Variants in CDC14A observed in about 807,000 individuals in gnomAD.
CDC14A encodes cell division cycle 14A.
In CDC14A, 53 loss-of-function variants were observed where a neutral mutation model predicts 74.4. The ratio of observed to expected loss-of-function variants is 0.71; its 90% CI spans 0.57 to 0.89. The LOEUF is 0.89. CDC14A is among the 40% of genes least tolerant of loss of function. The pLI is 0.00. For synonymous variants in CDC14A, 247 were observed against 258.4 expected, an observed-to-expected ratio of 0.96 and a Z score of 0.43; for missense variants, 646 against 713.7, an observed-to-expected ratio of 0.91 and a Z score of 1.08.
chr1:100,512,417 A>G (rs958790600), intron 15 of CDC14A, among the ~76,000 whole-genome samples: 1 of 152,174 alleles, frequency 6.6e-6, no homozygotes, highest in South Asian at 2.1e-4. Flanking sequence ...AAAACAAACA[A>G]GTTTCCAGCT....
At chr1:100,485,383 A>C in intron 11 of CDC14A, 1 of 883,238 alleles carries the variant, frequency 1.1e-6, no homozygotes, top group Non-Finnish European at 1.4e-6. Context: ...AAAAAAGAAA[A>C]GAAAAAAAGG....
At chr1:100,414,285 G>A (rs1661236755) in intron 4 of CDC14A, among the ~76,000 whole-genome samples, 1 of 149,766 alleles carries the variant, frequency 6.7e-6, no homozygotes, top group Non-Finnish European at 1.5e-5. Flanking sequence ...GGGCAACATA[G>A]TAGACCCCAT....
At chr1:100,445,026 T>C (rs1320795192) in intron 7 of CDC14A, among the ~76,000 whole-genome samples, 1 of 152,182 alleles carries the variant, frequency 6.6e-6, no homozygotes, top group Non-Finnish European at 1.5e-5. Flanking sequence ...AAAGGGAATA[T>C]GTACTTATAA....
In CDC14A at chr1:100,498,200, G is replaced by T; in HGVS notation, c.1414G>T (p.Val472Leu). 1 of 1,613,724 alleles carries T rather than the reference G, an allele frequency of 6.2e-7. No homozygotes were observed. The highest frequency in any genetic ancestry group is 8.5e-7 in the Non-Finnish European group (1 of 1,179,866). The part of the protein sequence containing the change: ...NRTSLSSGAT[V>L]RSFSINSRLA... ...AACTTCTTTGTCTTCGGGTGCCACT[G>T]TAAGAAGGTAATTTTTCTCTCCCTC... Residue 472 changes from valine (V) to leucine (L), a missense_variant, in exon 14 of 16, where the codon GTA becomes TTA. Coordinates refer to ENST00000336454, the MANE Select transcript of CDC14A (RefSeq NM_003672.4).
chr1:100,509,122 A>C (rs1351929299), intron 15 of CDC14A, among the ~76,000 whole-genome samples: 1 of 150,836 alleles, frequency 6.6e-6, no homozygotes, highest in Non-Finnish European at 1.5e-5. Context: ...GGCTCCTCCT[A>C]CCTCTGTGCT....
intron 15 of CDC14A, among the ~76,000 whole-genome samples, chr1:100,513,670 T>C (rs905579884): frequency 1.3e-5 from 2 of 152,200 alleles, no homozygotes; most frequent in Non-Finnish European, 2.9e-5. Flanking sequence ...AATATTTATA[T>C]CTGTAATTAT....
chr1:100,490,294 T>C (rs1670483541), intron 11 of CDC14A, among the ~76,000 whole-genome samples: 3 of 152,198 alleles, frequency 2.0e-5, no homozygotes, highest in Admixed American at 6.5e-5. Context: ...TAATTTAATG[T>C]AAATATGTTT....
intron 3 of CDC14A, among the ~76,000 whole-genome samples, chr1:100,387,113 T>G (rs1346252820): frequency 6.6e-6 from 1 of 152,086 alleles, no homozygotes; most frequent in Non-Finnish European, 1.5e-5. Context: ...TACCAAAGTA[T>G]CTTCTCTGTT....
chr1:100,456,265 A>G (rs1666668491), intron 8 of CDC14A, among the ~76,000 whole-genome samples: 1 of 152,258 alleles, frequency 6.6e-6, no homozygotes. Context: ...TGAATGAAAC[A>G]TGATCAGCTA....
rs1223420176 is a variant in CDC14A at position 100,491,548 on chromosome 1, C to CTCTATATA, written c.1138-3269_1138-3268insCTATATAT. Among the ~76,000 whole-genome samples the CTCTATATA allele has an allele frequency of 4.9e-4, 19 of 38,754 alleles. 1 individual carries two copies. Among genetic ancestry groups the CTCTATATA allele is most frequent in the East Asian group, 1.2e-3 (2 of 1,630 alleles). 25.4% of individuals were successfully genotyped at this position (38,754 alleles called of 152,430 possible). On this transcript the variant is annotated intron_variant, in intron 11 of 15. Coordinates refer to ENST00000336454, the MANE Select transcript of CDC14A (RefSeq NM_003672.4). ...TCTCTCTCTCTCTCTCTCTCTCTCT[C>CTCTATATA]TATATATATATATATATATATATAT... is the stretch of plus-strand genomic sequence containing the variant.
chr1:100,458,586 T>C (rs1157334072), intron 8 of CDC14A, among the ~76,000 whole-genome samples: 1 of 152,232 alleles, frequency 6.6e-6, no homozygotes, highest in Non-Finnish European at 1.5e-5. Flanking sequence ...TTCACTATAC[T>C]TTTTTGTAAA....
intron 2 of CDC14A, among the ~76,000 whole-genome samples, chr1:100,367,676 G>A (rs866148587): frequency 3.2e-4 from 49 of 152,222 alleles, no homozygotes; most frequent in African/African-American, 1.1e-3. Context: ...GTTCAAAATT[G>A]CTCTTGGTTG....
intron 5 of CDC14A, among the ~76,000 whole-genome samples, chr1:100,426,844 T>G (rs1455809499): frequency 6.6e-6 from 1 of 152,244 alleles, no homozygotes. Context: ...GTATTTACAT[T>G]AAGCTTCATT....
intron 5 of CDC14A, among the ~76,000 whole-genome samples, chr1:100,425,270 C>CT (rs1348647673): frequency 2.0e-5 from 3 of 152,162 alleles, no homozygotes; most frequent in East Asian, 3.9e-4. Context: ...ATATTTTTGC[C>CT]TTTTTTGCTT....
intron 15 of CDC14A, among the ~76,000 whole-genome samples, chr1:100,504,570 G>A (rs573077744): frequency 6.6e-6 from 1 of 152,288 alleles, no homozygotes; most frequent in East Asian, 1.9e-4. Context: ...AAAATAGGTG[G>A]TGGGTTGCAT....
At chr1:100,518,166 T>C in intron 15 of CDC14A, 85 bp from the exon 16 acceptor site, 1 of 988,004 alleles carries the variant, frequency 1.0e-6, no homozygotes, top group South Asian at 1.4e-5. Flanking sequence ...TAAGCTGTCT[T>C]GTGTGGAAGG....
At chr1:100,440,020 G>A in intron 6 of CDC14A, 22 bp downstream of exon 6, 5 of 1,561,832 alleles carry the variant, frequency 3.2e-6, no homozygotes, top group Non-Finnish European at 4.4e-6. Flanking sequence ...TCTCCTTGCT[G>A]TAGTTGACAC....
intron 15 of CDC14A, among the ~76,000 whole-genome samples, chr1:100,512,170 C>T (rs975012202): frequency 9.9e-5 from 15 of 152,024 alleles, no homozygotes; most frequent in African/African-American, 3.6e-4. Flanking sequence ...CTTCCTTTCT[C>T]GACTCTCCTA....
chr1:100,434,603 T>C (rs17122490), intron 5 of CDC14A, among the ~76,000 whole-genome samples: 3,009 of 152,082 alleles, frequency 0.02, 108 homozygotes, highest in African/African-American at 0.069. Flanking sequence ...ATTTAAGAGG[T>C]GAAACCAATG....
Sources: allele counts gnomAD v4.1 joint callset (sites outside exome capture counted in the v4.1 genomes callset), GRCh38; gene constraint gnomAD v4.1.1; transcripts MANE v1.5; gene names NCBI Gene and HGNC (gene_info 2026-07-23, HGNC 2026-07-21).